Variants in BBS9 observed in about 807,000 individuals in gnomAD.
The protein encoded by BBS9 is protein PTHB1.
A neutral mutation model predicts 117.7 loss-of-function variants in BBS9; 89 were observed. The observed-to-expected ratio is 0.76, with a 90% CI of 0.64 to 0.90. BBS9 has a LOEUF of 0.90. BBS9 is among the 40% of genes least tolerant of loss of function. The pLI, the probability that BBS9 is intolerant of heterozygous loss-of-function variation, is 0.00. For synonymous variants in BBS9, 379 were observed against 370.9 expected (o/e 1.02, Z -0.25); for missense variants, 982 against 1,042.2 (o/e 0.94, Z 0.80).
rs73107605 is a variant in BBS9, at chr7:33,515,085, T to C, written c.2298+9440T>C. 2.1e-3 allele frequency among the ~76,000 whole-genome samples: 314 copies of C among 152,266 alleles called. 1 individual carries two copies. Among genetic ancestry groups the C allele is most frequent in the South Asian group, 3.9e-3 (19 of 4,822 alleles). On this transcript the variant is annotated intron_variant, in intron 20 of 22. Transcript: ENST00000242067. ...ACTGTATGACAACAATGCCATCTAC[T>C]CTAAGTTATGGCATTGCTTTGTGGA...
intron 1 of BBS9, among the ~76,000 whole-genome samples, chr7:33,141,736 A>G (rs1234716368): frequency 2.6e-5 from 4 of 152,120 alleles, no homozygotes; most frequent in Admixed American, 6.6e-5. Flanking sequence ...TCCCAAAGAA[A>G]TTGCCTTTTA....
intron 19 of BBS9, among the ~76,000 whole-genome samples, chr7:33,392,379 T>A (rs1370560691): frequency 1.3e-5 from 2 of 152,204 alleles, no homozygotes; most frequent in Admixed American, 1.3e-4. Context: ...TATTTACTCA[T>A]GTATTTGGCA....
At chr7:33,357,405 TG>T (rs1819796269) in intron 15 of BBS9, among the ~76,000 whole-genome samples, 1 of 151,734 alleles carries the variant, frequency 6.6e-6, no homozygotes, top group Admixed American at 6.6e-5. Flanking sequence ...AGATTTAAAA[TG>T]TTTTTGAGTA....
chr7:33,388,173 A>T, intron 19 of BBS9, 29 bp downstream of exon 19: 2 of 1,609,552 alleles, frequency 1.2e-6, no homozygotes, highest in Non-Finnish European at 1.7e-6. Flanking sequence ...ACAGTTTTCT[A>T]TTACTGGCTA....
intron 1 of BBS9, among the ~76,000 whole-genome samples, chr7:33,131,620 T>C (rs188806689): frequency 1.1e-4 from 17 of 152,276 alleles, no homozygotes; most frequent in Non-Finnish European, 1.5e-4. Context: ...GCAAGGTCTG[T>C]TTCCAGAACT....
chr7:33,186,742 G>A (rs534626886), intron 5 of BBS9, among the ~76,000 whole-genome samples: 26 of 152,120 alleles, frequency 1.7e-4, no homozygotes, highest in Middle Eastern at 3.4e-3. Flanking sequence ...AAAAATGTTC[G>A]TTGTTTTTTA....
At position 33,535,053 on chromosome 7, in the gene BBS9, T is replaced by C. The variant is rs534302374; in HGVS notation, c.2521+877T>C. 6.6e-5 allele frequency among the ~76,000 whole-genome samples: 10 copies of C among 152,260 alleles called. No individual in the cohort carries two copies. The South Asian group carries it at 2.1e-3, about 32-fold the overall frequency. On this transcript the variant is annotated intron_variant, in intron 21 of 22. Coordinates refer to ENST00000242067, the MANE Select transcript of BBS9 (RefSeq NM_198428.3). ...GCTTCCTTTTCCCCCTCACTCAGCA[T>C]TCCTAGAAGTGAAAAGGAATGCAAG...
intron 21 of BBS9, among the ~76,000 whole-genome samples, chr7:33,584,477 C>G (rs1298916371): frequency 6.6e-6 from 1 of 151,894 alleles, no homozygotes; most frequent in Non-Finnish European, 1.5e-5. Flanking sequence ...ATCCTTATTC[C>G]TAGTTCACTG....
At chr7:33,542,152 T>C (rs1028001085) in intron 21 of BBS9, among the ~76,000 whole-genome samples, 1 of 152,054 alleles carries the variant, frequency 6.6e-6, no homozygotes, top group African/African-American at 2.4e-5. Context: ...TGGTGCAGTC[T>C]CAGCTCACTG....
intron 9 of BBS9, among the ~76,000 whole-genome samples, chr7:33,281,398 G>A (rs1801879050): frequency 7.2e-6 from 1 of 138,480 alleles, no homozygotes; most frequent in African/African-American, 2.7e-5. Context: ...TTTTGAGGCA[G>A]GGTCTCACTC....
At chr7:33,231,241 T>C (rs1792331736) in intron 5 of BBS9, among the ~76,000 whole-genome samples, 1 of 152,030 alleles carries the variant, frequency 6.6e-6, no homozygotes, top group African/African-American at 2.4e-5. Flanking sequence ...TGAGGTCATG[T>C]GATCCTCCTT....
rs779840211 is a variant in BBS9, at chr7:33,351,314, A to G, written c.1528A>G (p.Arg510Gly). ...LEGNAVVSYS[R>G]PTDRNPDGIP... ...AGGAAATGCTGTTGTTTCTTATTCCAGACCAACAGGTAAACATACAGGCTT... is the reference window on the plus strand; with the variant it reads ...AGGAAATGCTGTTGTTTCTTATTCCGGACCAACAGGTAAACATACAGGCTT... The change falls in exon 14 of 23, where the codon AGA becomes GGA. Residue 510 changes from arginine to glycine, a missense_variant. Physicochemically the swap from Arg to Gly is moderately radical, Grantham distance 125. Coordinates refer to ENST00000242067, the MANE Select transcript of BBS9 (RefSeq NM_198428.3). 4 of 1,601,286 alleles carry G rather than the reference A, an allele frequency of 2.5e-6. No individual in the cohort carries two copies. Among genetic ancestry groups the G allele is most frequent in the Non-Finnish European group, 3.4e-6 (4 of 1,168,352 alleles).
chr7:33,578,857 T>G (rs1422018432), intron 21 of BBS9, among the ~76,000 whole-genome samples: 1 of 152,180 alleles, frequency 6.6e-6, no homozygotes, highest in Non-Finnish European at 1.5e-5. Context: ...TCCAACTGGA[T>G]TCAGAATATA....
chr7:33,273,317 T>A, intron 8 of BBS9, 122 bp downstream of exon 8: 1 of 1,036,318 alleles, frequency 9.6e-7, no homozygotes. Context: ...ATTGAATATG[T>A]AATGGAAATT....
intron 19 of BBS9, among the ~76,000 whole-genome samples, chr7:33,472,993 A>G (rs1191982322): frequency 1.3e-5 from 2 of 152,036 alleles, no homozygotes; most frequent in African/African-American, 2.4e-5. Context: ...TCCAACCTCT[A>G]CCTTACCTCA....
chr7:33,389,131 C>T (rs901262574), intron 19 of BBS9, among the ~76,000 whole-genome samples: 1 of 152,088 alleles, frequency 6.6e-6, no homozygotes, highest in Non-Finnish European at 1.5e-5. Context: ...CTTACTTGTA[C>T]TCATTTATGT....
At chr7:33,412,427 T>G (rs1584730965) in intron 19 of BBS9, among the ~76,000 whole-genome samples, 1 of 152,294 alleles carries the variant, frequency 6.6e-6, no homozygotes, top group African/African-American at 2.4e-5. Flanking sequence ...CTTCAGTGAG[T>G]TTCTGAAGGT....
chr7:33,350,196 T>C (rs754650540), intron 13 of BBS9, among the ~76,000 whole-genome samples: 104 of 152,314 alleles, frequency 6.8e-4, no homozygotes, highest in Non-Finnish European at 1.3e-3. Context: ...CTAAGGCTTC[T>C]ATCTCTTATT....
At chr7:33,358,072 A>G (rs1453030662) in intron 16 of BBS9, 77 bp downstream of exon 16, 17 of 1,510,080 alleles carry the variant, frequency 1.1e-5, no homozygotes, top group Non-Finnish European at 1.5e-5. Context: ...TCAGCAGATA[A>G]TGATGGGGTA....
Sources: allele counts gnomAD v4.1 joint callset (sites outside exome capture counted in the v4.1 genomes callset), GRCh38; gene constraint gnomAD v4.1.1; transcripts MANE v1.5; gene names NCBI Gene and HGNC (gene_info 2026-07-23, HGNC 2026-07-21).